Variants in ITPR2 observed in about 807,000 individuals in gnomAD.
ITPR2 encodes the protein inositol 1,4,5-trisphosphate-gated calcium channel ITPR2.
ITPR2 carries 207 observed loss-of-function variants against 317.1 expected under a neutral mutation model. The ratio of observed to expected loss-of-function variants is 0.65; its 90% CI spans 0.58 to 0.73. The LOEUF (loss-of-function observed/expected upper bound fraction) is 0.73, where lower values mean the gene tolerates loss of function less well. ITPR2 is among the 30% of genes least tolerant of loss of function. ITPR2 has a pLI of 0.00. For synonymous variants in ITPR2, 1,156 were observed against 1,149.1 expected (o/e 1.01, Z -0.12); for missense variants, 2,613 against 3,284.0 (o/e 0.80, Z 4.99).
At chr12:26,362,484 A>G (rs992276359) in intron 55 of ITPR2, among the ~76,000 whole-genome samples, 1 of 152,244 alleles carries the variant, frequency 6.6e-6, no homozygotes, top group Admixed American at 6.5e-5. Flanking sequence ...ATGTGGAGGT[A>G]GATGCATACA....
chr12:26,715,449 G>C lies in ITPR2; in HGVS notation c.709-4C>G. The C allele has an allele frequency of 6.2e-7, 1 of 1,611,082 alleles. No homozygotes were observed. Among genetic ancestry groups the C allele is most frequent in the Non-Finnish European group, 8.5e-7 (1 of 1,178,608 alleles). On this transcript the variant is annotated splice_region_variant and splice_polypyrimidine_tract_variant and intron_variant, in intron 7 of 56. Transcript: ENST00000381340. ...GAAATAATCTAACAACGTCCCCCTA[G>C]CAAAAAGGTCAAGAGACATCTGAAC...
intron 9 of ITPR2, among the ~76,000 whole-genome samples, chr12:26,705,943 C>T (rs1328111997): frequency 6.6e-5 from 10 of 152,176 alleles, no homozygotes; most frequent in African/African-American, 2.4e-4. Flanking sequence ...GTAATATAGC[C>T]CTTTTAAAGA....
At chr12:26,826,751 T>TAC (rs939570602) in intron 1 of ITPR2, among the ~76,000 whole-genome samples, 3 of 151,508 alleles carry the variant, frequency 2.0e-5, no homozygotes, top group South Asian at 2.1e-4. Flanking sequence ...TATACAGATG[T>TAC]ACACACACAC....
intron 54 of ITPR2, among the ~76,000 whole-genome samples, chr12:26,392,223 G>T (rs1240345261): frequency 6.6e-6 from 1 of 152,156 alleles, no homozygotes; most frequent in Non-Finnish European, 1.5e-5. Flanking sequence ...CGTCAAAAAT[G>T]TGTTTCTTGA....
At chr12:26,823,390 C>T (rs909307237) in intron 1 of ITPR2, among the ~76,000 whole-genome samples, 1 of 152,122 alleles carries the variant, frequency 6.6e-6, no homozygotes, top group Non-Finnish European at 1.5e-5. Context: ...CTTGATGTCT[C>T]CCACAGATCC....
chr12:26,536,285 G>A (rs778721466), intron 37 of ITPR2, among the ~76,000 whole-genome samples: 2 of 152,196 alleles, frequency 1.3e-5, no homozygotes, highest in Non-Finnish European at 2.9e-5. Context: ...TGGCCTGCCT[G>A]CCATCCCTGT....
intron 45 of ITPR2, among the ~76,000 whole-genome samples, chr12:26,463,911 CG>C (rs1242934569): frequency 1.3e-5 from 2 of 152,150 alleles, no homozygotes; most frequent in Non-Finnish European, 2.9e-5. Flanking sequence ...CTCTCACACA[CG>C]CACAGCACGC....
chr12:26,618,623 T>C (rs1254225241), intron 26 of ITPR2, among the ~76,000 whole-genome samples: 1 of 152,204 alleles, frequency 6.6e-6, no homozygotes, highest in African/African-American at 2.4e-5. Context: ...GAGGGGAACA[T>C]ACTGCATGTG....
chr12:26,678,085 G>C (rs1391827929), intron 13 of ITPR2, among the ~76,000 whole-genome samples: 1 of 152,148 alleles, frequency 6.6e-6, no homozygotes, highest in Non-Finnish European at 1.5e-5. Context: ...CAGTAATACT[G>C]AATTAATCAC....
intron 39 of ITPR2, among the ~76,000 whole-genome samples, chr12:26,489,203 G>C (rs952741): frequency 6.6e-6 from 1 of 152,070 alleles, no homozygotes; most frequent in East Asian, 1.9e-4. Flanking sequence ...TTTTTGCTTA[G>C]GAAACTACCT....
chr12:26,756,247 T>A (rs374195944), intron 2 of ITPR2, among the ~76,000 whole-genome samples: 1 of 152,306 alleles, frequency 6.6e-6, no homozygotes, highest in East Asian at 1.9e-4. Context: ...TTTAAGTTTG[T>A]TTCTGTAACT....
chr12:26,673,453 A>T (rs1013228074), intron 13 of ITPR2, among the ~76,000 whole-genome samples: 3 of 152,192 alleles, frequency 2.0e-5, no homozygotes, highest in African/African-American at 4.8e-5. Context: ...CCACATGACT[A>T]TCTCAATAGA....
intron 13 of ITPR2, among the ~76,000 whole-genome samples, chr12:26,668,881 G>C (rs1345717305): frequency 6.6e-6 from 1 of 152,164 alleles, no homozygotes; most frequent in Non-Finnish European, 1.5e-5. Context: ...AGCATTTTGG[G>C]AGGTTGAGGC....
intron 45 of ITPR2, among the ~76,000 whole-genome samples, chr12:26,471,673 T>G (rs1302447480): frequency 6.6e-6 from 1 of 152,026 alleles, no homozygotes; most frequent in African/African-American, 2.4e-5. Flanking sequence ...ACAACAAAAA[T>G]TGAAAGTCTG....
At chr12:26,730,577 A>G (rs1949009300) in intron 2 of ITPR2, among the ~76,000 whole-genome samples, 1 of 152,258 alleles carries the variant, frequency 6.6e-6, no homozygotes, top group Admixed American at 6.5e-5. Context: ...GCTTAACCTT[A>G]AGACCTGAAG....
chr12:26,711,306 T>C (rs1948638594), intron 8 of ITPR2, 38 bp from the exon 9 acceptor site: 2 of 1,411,318 alleles, frequency 1.4e-6, no homozygotes, highest in Middle Eastern at 3.5e-4. Context: ...CAAAACAATA[T>C]TTATGTTCCT....
chr12:26,434,999 T>A (rs1253785082), intron 48 of ITPR2, among the ~76,000 whole-genome samples: 3 of 152,200 alleles, frequency 2.0e-5, no homozygotes, highest in African/African-American at 7.2e-5. Context: ...GGCCAAATAT[T>A]TGCTACATTT....
At position 26,832,819 on chromosome 12, in the gene ITPR2, C is replaced by A. The variant is rs772310932; in HGVS notation, c.-38G>T. On this transcript the variant is annotated 5_prime_UTR_variant, in exon 1 of 57. Transcript: ENST00000381340. ...TCCACAGTGGACGTCCCTCTTCTTCCCTGCGCCCTCGCCGCCCTCTCTCCA... is the reference window on the plus strand; with the variant it reads ...TCCACAGTGGACGTCCCTCTTCTTCACTGCGCCCTCGCCGCCCTCTCTCCA... 92 of 1,496,048 alleles carry A rather than the reference C, an allele frequency of 6.1e-5. No individual in the cohort carries two copies. The highest frequency in any genetic ancestry group is 8.4e-5 in the Non-Finnish European group (91 of 1,082,034). 92.7% of individuals were successfully genotyped at this position (1,496,048 alleles called of 1,614,324 possible).
chr12:26,604,102 T>C (rs1331535056), intron 26 of ITPR2, among the ~76,000 whole-genome samples: 1 of 152,106 alleles, frequency 6.6e-6, no homozygotes, highest in African/African-American at 2.4e-5. Flanking sequence ...CCTACTGTGC[T>C]CCAGGACAAA....
Sources: gnomAD v4.1 joint callset for allele counts (sites outside exome capture counted in the v4.1 genomes callset) on GRCh38, gnomAD v4.1.1 for gene constraint, MANE v1.5 for transcripts, NCBI Gene and HGNC (gene_info 2026-07-23, HGNC 2026-07-21) for gene names.